GTF2IRD1: variants seen among roughly 807,000 people sequenced by gnomAD.
The protein encoded by GTF2IRD1 is GTF2I repeat domain containing 1.
GTF2IRD1 carries 26 observed loss-of-function variants against 113.2 expected under a neutral mutation model. The observed-to-expected ratio is 0.23, with a 90% CI of 0.17 to 0.32. The LOEUF is 0.32. Among genes scored for constraint, GTF2IRD1 ranks in the 10% least tolerant of loss-of-function variants. The probability of loss-of-function intolerance (pLI) is 1.00; values close to 1 mark genes in which losing one functional copy is unlikely to be tolerated. For missense variants in GTF2IRD1, 864 were observed against 1,280.8 expected (o/e 0.67, Z 4.97); for synonymous variants, 484 against 529.1 (o/e 0.91, Z 1.17).
chr7:74,469,373 C>A (rs1187415178), intron 1 of GTF2IRD1, among the ~76,000 whole-genome samples: 1 of 151,906 alleles, frequency 6.6e-6, no homozygotes, highest in Non-Finnish European at 1.5e-5. Flanking sequence ...TCATCACTGT[C>A]TAATTTCAGA....
chr7:74,575,523 G>C (rs782188721), intron 22 of GTF2IRD1, among the ~76,000 whole-genome samples: 2 of 152,214 alleles, frequency 1.3e-5, no homozygotes, highest in Non-Finnish European at 2.9e-5. Context: ...GACAGACAAG[G>C]GTGGAGAGAC....
chr7:74,557,874 T>G (rs769361531), intron 20 of GTF2IRD1, 152 bp downstream of exon 20: 94 of 601,136 alleles, frequency 1.6e-4, no homozygotes, highest in Non-Finnish European at 2.0e-4. Context: ...AGGCACTGTC[T>G]CAGGCACTGG....
chr7:74,590,603 C>T lies in GTF2IRD1; in HGVS notation c.2399-222C>T, dbSNP rs186834822. Among the ~76,000 whole-genome samples the T allele has an allele frequency of 4.1e-3, 628 of 151,892 alleles. 4 individuals carry two copies. Among genetic ancestry groups the T allele is most frequent in the Non-Finnish European group, 7.0e-3 (478 of 67,936 alleles). On this transcript the variant is annotated intron_variant, in intron 23 of 26. Coordinates refer to ENST00000424337, the MANE Select transcript of GTF2IRD1 (RefSeq NM_005685.4). ...AGACGAGGTTTTACCGAGTTAGCCA[C>T]GATGGTCTCGATCTCCTGACCTCGT...
intron 1 of GTF2IRD1, among the ~76,000 whole-genome samples, chr7:74,490,557 C>T (rs113165626): frequency 2.2e-4 from 33 of 151,396 alleles, no homozygotes; most frequent in African/African-American, 7.8e-4. Flanking sequence ...CCCCCCCGCC[C>T]GCCTTCCAGA....
At chr7:74,515,844 C>T (rs1261178420) in intron 4 of GTF2IRD1, among the ~76,000 whole-genome samples, 6 of 152,316 alleles carry the variant, frequency 3.9e-5, no homozygotes, top group East Asian at 1.9e-4. Flanking sequence ...TGCCACCTCT[C>T]GCCTAGAAAT....
intron 1 of GTF2IRD1, among the ~76,000 whole-genome samples, chr7:74,496,484 T>TGGGTGTGC (rs1554338011): frequency 2.3e-5 from 2 of 87,728 alleles, no homozygotes; most frequent in East Asian, 4.7e-4. Flanking sequence ...GGTGTGCACG[T>TGGGTGTGC]ATGTGTGTGT....
intron 5 of GTF2IRD1, among the ~76,000 whole-genome samples, chr7:74,518,993 G>A (rs1554345266): frequency 6.6e-6 from 1 of 152,204 alleles, no homozygotes; most frequent in African/African-American, 2.4e-5. Context: ...GGGAGATTAG[G>A]TTGTTGAGGC....
chr7:74,473,146 A>C (rs7806360), intron 1 of GTF2IRD1, among the ~76,000 whole-genome samples: 1 of 152,192 alleles, frequency 6.6e-6, no homozygotes, highest in African/African-American at 2.4e-5. Flanking sequence ...CCCAAGCCTC[A>C]TGATGTGTTC....
chr7:74,568,118 T>C (rs1800439647), intron 22 of GTF2IRD1, among the ~76,000 whole-genome samples: 1 of 151,708 alleles, frequency 6.6e-6, no homozygotes, highest in South Asian at 2.1e-4. Context: ...GAACAGCAGC[T>C]GCATGATCTT....
At chr7:74,530,493 A>ATT (rs57782999) in intron 9 of GTF2IRD1, among the ~76,000 whole-genome samples, 23 of 102,210 alleles carry the variant, frequency 2.3e-4, no homozygotes, top group East Asian at 1.7e-3. Flanking sequence ...GCACTTTGTA[A>ATT]TTTTTTTTTT....
intron 4 of GTF2IRD1, 50 bp from the exon 5 acceptor site, chr7:74,518,089 G>T: frequency 7.4e-7 from 1 of 1,346,818 alleles, no homozygotes; most frequent in Admixed American, 2.8e-5. Context: ...CCCGACCCCA[G>T]CCTGGCTGCC....
intron 1 of GTF2IRD1, among the ~76,000 whole-genome samples, chr7:74,499,925 G>A (rs1261672799): frequency 6.6e-6 from 1 of 152,118 alleles, no homozygotes; most frequent in East Asian, 1.9e-4. Context: ...CACACACACA[G>A]GAATGAGTGA....
chr7:74,537,226 A>C (rs782419150), intron 11 of GTF2IRD1, among the ~76,000 whole-genome samples: 7 of 152,286 alleles, frequency 4.6e-5, no homozygotes, highest in Non-Finnish European at 8.8e-5. Flanking sequence ...CCTGGCCAAC[A>C]TGGCAAAACC....
At chr7:74,565,116 C>T (rs587721624) in intron 22 of GTF2IRD1, among the ~76,000 whole-genome samples, 18 of 152,284 alleles carry the variant, frequency 1.2e-4, no homozygotes, top group East Asian at 7.7e-4. Flanking sequence ...CAGCCCTGCC[C>T]GCAAGGGGCT....
chr7:74,555,342 C>T lies in GTF2IRD1; in HGVS notation c.1967-96C>T, dbSNP rs1554356407. On this transcript the variant is annotated intron_variant, in intron 18 of 26. Coordinates refer to ENST00000424337, the MANE Select transcript of GTF2IRD1 (RefSeq NM_005685.4). The surrounding 1 kb of genome is among the most constrained non-coding windows in gnomAD (Gnocchi z 5.3). Reference sequence around the variant, plus strand: ...GCTCCCATCCTGGCCCTGGCATTCTCCCCACACCCCCACATTGGGTTTCCC... The same window carrying T: ...GCTCCCATCCTGGCCCTGGCATTCTTCCCACACCCCCACATTGGGTTTCCC... 7 of 1,449,624 alleles carry T rather than the reference C, an allele frequency of 4.8e-6. No homozygotes were observed. The highest frequency in any genetic ancestry group is 5.8e-6 in the Non-Finnish European group (6 of 1,031,480). 89.8% of individuals were successfully genotyped at this position (1,449,624 alleles called of 1,614,324 possible). A position where few individuals can be genotyped will look rare whatever the true frequency, so the allele number is the denominator to read the frequency against.
chr7:74,459,202 C>T (rs915383670), intron 1 of GTF2IRD1, among the ~76,000 whole-genome samples: 6 of 152,062 alleles, frequency 3.9e-5, no homozygotes, highest in Admixed American at 2.0e-4. Flanking sequence ...CTGTAATCCC[C>T]AGCACTTTGC....
chr7:74,465,617 G>A (rs932362624), intron 1 of GTF2IRD1, among the ~76,000 whole-genome samples: 3 of 152,112 alleles, frequency 2.0e-5, no homozygotes, highest in Non-Finnish European at 2.9e-5. Flanking sequence ...AGCTTGTCAC[G>A]TGATGACCCC....
chr7:74,515,107 G>A (rs56166204), intron 3 of GTF2IRD1, among the ~76,000 whole-genome samples: 13,843 of 147,426 alleles, frequency 0.094, 860 homozygotes, highest in South Asian at 0.23. Context: ...AACATTCATC[G>A]AACCTCAGTT....
chr7:74,528,339 T>C (rs587723902), intron 8 of GTF2IRD1, among the ~76,000 whole-genome samples: 1 of 152,288 alleles, frequency 6.6e-6, no homozygotes, highest in Non-Finnish European at 1.5e-5. Flanking sequence ...GCCTGCCAAG[T>C]AGCTGGGACT....
Sources: gnomAD v4.1 joint callset for allele counts (sites outside exome capture counted in the v4.1 genomes callset) on GRCh38, gnomAD v4.1.1 for gene constraint, Gnocchi (gnomAD v3.1) non-coding constraint, MANE v1.5 for transcripts, NCBI Gene and HGNC (gene_info 2026-07-23, HGNC 2026-07-21) for gene names.